BACH2: variants seen among roughly 807,000 people sequenced by gnomAD.
BACH2 encodes the protein BACH transcriptional regulator 2.
In BACH2, 5 loss-of-function variants were observed where a neutral mutation model predicts 61.8. The ratio of observed to expected loss-of-function variants is 0.08; its 90% CI spans 0.04 to 0.17. The LOEUF is 0.17. BACH2 is among the 10% of genes least tolerant of loss of function. BACH2 has a pLI of 1.00. For missense variants in BACH2, 824 were observed against 1,091.1 expected (o/e 0.76, Z 3.45); for synonymous variants, 446 against 440.1 (o/e 1.01, Z -0.17).
In BACH2 at chr6:90,296,576, G is replaced by C. The variant is rs1377431062; in HGVS notation, c.-542C>G. 6.6e-6 allele frequency: 1 copy of C among 151,770 alleles called. No homozygotes were observed. The highest frequency in any genetic ancestry group is 1.9e-4 in the East Asian group (1 of 5,216). 9.4% of individuals were successfully genotyped at this position (151,770 alleles called of 1,614,324 possible). ...GCAGCCGGCGAGGTGGGCAGTTCGT[G>C]GGTCACCGAAAGCTCGCGGAGGGGA... On this transcript the variant is annotated 5_prime_UTR_variant, in exon 1 of 9. Coordinates refer to ENST00000257749, the MANE Select transcript of BACH2 (RefSeq NM_021813.4).
At chr6:90,076,223 G>T (rs1013359401) in intron 5 of BACH2, among the ~76,000 whole-genome samples, 1 of 152,018 alleles carries the variant, frequency 6.6e-6, no homozygotes, top group Non-Finnish European at 1.5e-5. Flanking sequence ...GTAAAGGAAG[G>T]GTGGAAAAGA....
intron 1 of BACH2, among the ~76,000 whole-genome samples, chr6:90,283,805 C>T (rs1253939333): frequency 1.3e-5 from 2 of 151,924 alleles, no homozygotes; most frequent in South Asian, 2.1e-4. Context: ...GTCAGGAGTT[C>T]GAGACCAGCC....
intron 3 of BACH2, among the ~76,000 whole-genome samples, chr6:90,234,631 T>C (rs950254408): frequency 2.0e-5 from 3 of 152,188 alleles, no homozygotes; most frequent in Non-Finnish European, 2.9e-5. Flanking sequence ...TCCTAAAAGA[T>C]AGTTTAGAAT....
chr6:90,161,566 T>C (rs1373625706), intron 4 of BACH2, among the ~76,000 whole-genome samples: 1 of 152,200 alleles, frequency 6.6e-6, no homozygotes, highest in African/African-American at 2.4e-5. Context: ...TGTGTGAGTA[T>C]ACAAAGCATC....
intron 6 of BACH2, among the ~76,000 whole-genome samples, chr6:89,973,450 C>T (rs1775482136): frequency 6.6e-6 from 1 of 152,144 alleles, no homozygotes; most frequent in African/African-American, 2.4e-5. Flanking sequence ...CCAGGGTCTC[C>T]ACTTGGACCT....
chr6:90,154,845 T>A (rs1750463343), intron 4 of BACH2, among the ~76,000 whole-genome samples: 1 of 152,162 alleles, frequency 6.6e-6, no homozygotes, highest in South Asian at 2.1e-4. Flanking sequence ...AGAGACCCAC[T>A]GAGAGCCTCT....
chr6:89,943,868 T>C (rs1401963363), intron 7 of BACH2, among the ~76,000 whole-genome samples: 2 of 152,230 alleles, frequency 1.3e-5, no homozygotes, highest in Non-Finnish European at 2.9e-5. Flanking sequence ...ACTGATGGTG[T>C]GGTCAGCTCT....
intron 2 of BACH2, among the ~76,000 whole-genome samples, chr6:90,271,366 TA>T (rs3073450): frequency 0.16 from 16,709 of 103,708 alleles, 1,057 homozygotes; most frequent in East Asian, 0.35. Context: ...CAACCCCATT[TA>T]AAAAAAAAAA....
chr6:90,192,948 C>T (rs2127845231), intron 4 of BACH2, among the ~76,000 whole-genome samples: 1 of 152,308 alleles, frequency 6.6e-6, no homozygotes, highest in African/African-American at 2.4e-5. Flanking sequence ...CTGGAAGATA[C>T]AGGAGAGTTT....
At chr6:90,116,337 T>C (rs1783397044) in intron 4 of BACH2, among the ~76,000 whole-genome samples, 1 of 152,218 alleles carries the variant, frequency 6.6e-6, no homozygotes, top group African/African-American at 2.4e-5. Context: ...ATCATGTCTT[T>C]GGCAGGAACA....
Position 89,938,040 on chromosome 6 carries a change from G to A in BACH2, c.2043+104C>T, listed in dbSNP as rs182382. On this transcript the variant is annotated intron_variant, in intron 8 of 8. Coordinates refer to ENST00000257749, the MANE Select transcript of BACH2 (RefSeq NM_021813.4). ...TCTTAAAAAATAAACCCAAACTTCC[G>A]CAAAGGGTGACCCTTCTGTCTACTT... The A allele has an allele frequency of 7.2e-6, 8 of 1,110,316 alleles. No individual in the cohort carries two copies. In the East Asian group the frequency reaches 9.5e-5, roughly 13 times the overall value. 68.8% of individuals were successfully genotyped at this position (1,110,316 alleles called of 1,614,324 possible). A position where few individuals can be genotyped will look rare whatever the true frequency, so the allele number is the denominator to read the frequency against.
chr6:90,216,851 G>T (rs1415233205), intron 3 of BACH2, among the ~76,000 whole-genome samples: 2 of 152,032 alleles, frequency 1.3e-5, no homozygotes, highest in Admixed American at 6.5e-5. Context: ...TAGTGGGTGA[G>T]ACCAATGATG....
At chr6:89,984,220 A>G (rs1258133143) in intron 6 of BACH2, among the ~76,000 whole-genome samples, 1 of 152,170 alleles carries the variant, frequency 6.6e-6, no homozygotes, top group African/African-American at 2.4e-5. Context: ...GAGAATATCT[A>G]CAATTACAAG....
chr6:90,294,141 C>T (rs555021526), intron 1 of BACH2, among the ~76,000 whole-genome samples: 2 of 152,294 alleles, frequency 1.3e-5, no homozygotes, highest in Admixed American at 1.3e-4. Context: ...ACACACTTAA[C>T]TGAGAAGTGT....
chr6:89,979,685 C>T (rs991000224), intron 6 of BACH2, among the ~76,000 whole-genome samples: 3 of 152,178 alleles, frequency 2.0e-5, no homozygotes, highest in African/African-American at 7.2e-5. Flanking sequence ...TGATAAATAT[C>T]TGTTCATTGA....
rs139172761 is a variant in BACH2, at chr6:90,266,629, T to C, written c.-353+5220A>G. 1.9e-3 allele frequency among the ~76,000 whole-genome samples: 287 copies of C among 152,288 alleles called. 3 individuals are homozygous for C. Among genetic ancestry groups the C allele is most frequent in the African/African-American group, 6.7e-3 (279 of 41,564 alleles). ...ATACAAATGAACCTCAAAAATGTTA[T>C]GCTAAATGAAAAAAGCCAGACATAA... On this transcript the variant is annotated intron_variant, in intron 2 of 8. Transcript: ENST00000257749.
At chr6:89,997,127 A>G (rs1345942602) in intron 6 of BACH2, among the ~76,000 whole-genome samples, 2 of 152,166 alleles carry the variant, frequency 1.3e-5, no homozygotes, top group Non-Finnish European at 2.9e-5. Context: ...AATATAGCTG[A>G]AATCCCTCCT....
rs545417025 is a variant in BACH2 at position 90,108,855 on chromosome 6, C to T, written c.-161-19746G>A. 4.6e-5 allele frequency among the ~76,000 whole-genome samples: 7 copies of T among 152,252 alleles called. No homozygotes were observed. The South Asian group carries it at 1.4e-3, about 32-fold the overall frequency. Reference sequence around the variant, plus strand: ...TTGAGGACAGAGGGATGACCTGCCCCATTCTTGGGCTTTCTGTTTGCTCTT... The same window carrying T: ...TTGAGGACAGAGGGATGACCTGCCCTATTCTTGGGCTTTCTGTTTGCTCTT... On this transcript the variant is annotated intron_variant, in intron 4 of 8. Transcript: ENST00000257749.
intron 6 of BACH2, 181 bp from the exon 7 acceptor site, chr6:89,952,043 C>T (rs1774160992): frequency 7.2e-6 from 5 of 692,308 alleles, no homozygotes; most frequent in Non-Finnish European, 9.5e-6. Context: ...GTGCCTGTCT[C>T]GTGCATGCCA....
Sources: allele counts gnomAD v4.1 joint callset (sites outside exome capture counted in the v4.1 genomes callset), GRCh38; gene constraint gnomAD v4.1.1; transcripts MANE v1.5; gene names NCBI Gene and HGNC (gene_info 2026-07-23, HGNC 2026-07-21).